ATP1B4: variants seen among roughly 807,000 people sequenced by gnomAD.
The protein encoded by ATP1B4 is protein ATP1B4.
In ATP1B4, 32 loss-of-function variants were observed where a neutral mutation model predicts 29.6. The observed-to-expected ratio is 1.08, with a 90% CI of 0.82 to 1.45. The LOEUF (loss-of-function observed/expected upper bound fraction) is 1.45. Ranked by LOEUF, ATP1B4 falls within the 40% of genes most tolerant of loss-of-function variation. The probability of loss-of-function intolerance (pLI) is 0.00; values close to 1 mark genes in which losing one functional copy is unlikely to be tolerated. For missense variants in ATP1B4, 323 were observed against 276.2 expected, an observed-to-expected ratio of 1.17 and a Z score of -1.20; for synonymous variants, 127 against 102.1, an observed-to-expected ratio of 1.24 and a Z score of -1.47.
rs1307920582 is a variant in ATP1B4 at position 120,381,567 on chromosome X, C to G, written c.*1933C>G. 1 of 111,822 alleles carries G rather than the reference C, an allele frequency of 8.9e-6. No homozygotes were observed. Among genetic ancestry groups the G allele is most frequent in the Non-Finnish European group, 1.9e-5 (1 of 53,193 alleles). The allele number at this position is 111,822 out of a possible 1,213,427, so 9.2% of individuals were successfully genotyped here. A position where few individuals can be genotyped will look rare whatever the true frequency, so the allele number is the denominator to read the frequency against. ...CCGGATTCAAGTGATTCTCCAGCCT[C>G]AGCCTCCTGAGTAGCTGGGATTACA... On this transcript the variant is annotated 3_prime_UTR_variant, in exon 8 of 8. Coordinates refer to ENST00000218008, the MANE Select transcript of ATP1B4 (RefSeq NM_001142447.3).
In ATP1B4 at chrX:120,376,411, C is replaced by A; in HGVS notation, c.791C>A (p.Pro264His). 8.3e-7 allele frequency: 1 copy of A among 1,210,320 alleles called. No individual in the cohort carries two copies. Among genetic ancestry groups the A allele is most frequent in the Non-Finnish European group, 1.1e-6 (1 of 894,376 alleles). Residue 264 changes from proline (P) to histidine (H), a missense_variant, in exon 6 of 8, where the codon CCT becomes CAT. By Grantham distance (77) the Pro-to-His change is moderately conservative. Coordinates refer to ENST00000218008, the MANE Select transcript of ATP1B4 (RefSeq NM_001142447.3). ...IVGFRPELGD[P>H]VKVSCKVQRG... ...GGCTTTCGTCCTGAGCTTGGAGATCCTGTGAAGGTTTCCTGCAAAGTTCAG... is the reference window on the plus strand; with the variant it reads ...GGCTTTCGTCCTGAGCTTGGAGATCATGTGAAGGTTTCCTGCAAAGTTCAG...
chrX:120,366,547 A>G lies in ATP1B4; in HGVS notation c.86A>G (p.Gln29Arg). 8.3e-7 allele frequency: 1 copy of G among 1,209,514 alleles called. No homozygotes were observed. The highest frequency in any genetic ancestry group is 1.1e-6 in the Non-Finnish European group (1 of 893,896). ...CAGGATGATCCGGATGAAGCGAACC[A>G]GAACTACTTAGCAGATGAAGAGGAG... ...YRLDDPDEANQNYLADEEEEA... is the reference protein window; with the variant it reads ...YRLDDPDEANRNYLADEEEEA... Residue 29 changes from glutamine to arginine, a missense_variant, in exon 2 of 8, where the codon CAG becomes CGG. Gln to Arg is a conservative substitution (Grantham distance 43). Transcript: ENST00000218008.
intron 4 of ATP1B4, among the ~76,000 whole-genome samples, chrX:120,374,237 T>C (rs955277894): frequency 2.7e-5 from 3 of 109,670 alleles, no homozygotes; most frequent in African/African-American, 1.0e-4. Context: ...GTGGAGACAG[T>C]ACCAGAGTCG....
chrX:120,375,878 G>C (rs1395890750), intron 5 of ATP1B4, among the ~76,000 whole-genome samples: 2 of 110,645 alleles, frequency 1.8e-5, no homozygotes, highest in Non-Finnish European at 3.8e-5. Context: ...TGAGGAAGGA[G>C]GGTTGCTTGA....
intron 4 of ATP1B4, among the ~76,000 whole-genome samples, chrX:120,374,695 A>AATAT (rs1165253275): frequency 2.4e-4 from 10 of 42,468 alleles, no homozygotes; most frequent in African/African-American, 6.4e-4. Context: ...CCTTATATAT[A>AATAT]ATATATATAT....
chrX:120,362,351 G>A lies in ATP1B4; in HGVS notation c.63+120G>A, dbSNP rs76551952. ...TCTCTTTGAGACGGGCAGAAACAGC[G>A]AAGTTTAGGGGAGCCCAGGGTTTCA... On this transcript the variant is annotated intron_variant, in intron 1 of 7. Transcript: ENST00000218008. 336 of 657,280 alleles carry A rather than the reference G, an allele frequency of 5.1e-4. 1 individual carries two copies. The East Asian group carries it at 8.8e-3, about 17-fold the overall frequency. The allele number at this position is 657,280 out of a possible 1,213,427, so 54.2% of individuals were successfully genotyped here.
intron 1 of ATP1B4, 59 bp downstream of exon 1, chrX:120,362,290 G>C (rs2058265142): frequency 8.4e-6 from 9 of 1,068,638 alleles, no homozygotes; most frequent in Admixed American, 4.4e-5. Context: ...TAATGGGGTG[G>C]GTTGGGGGCT....
chrX:120,362,855 A>T (rs914460403), intron 1 of ATP1B4, among the ~76,000 whole-genome samples: 1 of 112,009 alleles, frequency 8.9e-6, no homozygotes, highest in African/African-American at 3.2e-5. Flanking sequence ...CCTCACTGCT[A>T]ATCTTGTACT....
chrX:120,376,479 C>T (rs1395102143), intron 6 of ATP1B4, 43 bp downstream of exon 6: 1 of 1,122,387 alleles, frequency 8.9e-7, no homozygotes, highest in African/African-American at 1.8e-5. Flanking sequence ...ACATCTGTTT[C>T]ATGCAAAAAG....
chrX:120,371,026 G>A, intron 3 of ATP1B4, 80 bp from the exon 4 acceptor site: 2 of 1,047,164 alleles, frequency 1.9e-6, no homozygotes, highest in South Asian at 3.9e-5. Context: ...TGCCTGGGGG[G>A]AAATGGTTTC....
At position 120,371,178 on chromosome X, in the gene ATP1B4, A is replaced by C. The variant is rs183079208; in HGVS notation, c.530A>C (p.His177Pro). ...FNVSEPDTWQ[H>P]YVISLNGFLQ... ...GTTTCTGAACCCGACACTTGGCAGC[A>C]TTATGTGATTAGCCTAAATGGCTTT... The change falls in exon 4 of 8, where the codon CAT becomes CCT. Residue 177 changes from histidine (H) to proline (P), a missense_variant. Transcript: ENST00000218008. 4 of 1,208,306 alleles carry C rather than the reference A, an allele frequency of 3.3e-6. No homozygotes were observed. The African/African-American group carries it at 7.0e-5, about 21-fold the overall frequency.
intron 2 of ATP1B4, among the ~76,000 whole-genome samples, chrX:120,370,072 C>A (rs954657041): frequency 8.9e-6 from 1 of 111,888 alleles, no homozygotes; most frequent in Non-Finnish European, 1.9e-5. Context: ...CCAAAGTTCA[C>A]GGGCAAGTGT....
chrX:120,371,958 G>A (rs766847395), intron 4 of ATP1B4, among the ~76,000 whole-genome samples: 5 of 112,614 alleles, frequency 4.4e-5, no homozygotes, highest in African/African-American at 1.6e-4. Flanking sequence ...ATGAGCCACC[G>A]CGCCCAGCCA....
intron 4 of ATP1B4, among the ~76,000 whole-genome samples, chrX:120,374,501 G>T (rs1298850779): frequency 3.6e-5 from 3 of 84,031 alleles, no homozygotes; most frequent in Non-Finnish European, 4.5e-5. Flanking sequence ...GATATATAAG[G>T]ATATACCCTT....
intron 5 of ATP1B4, 42 bp from the exon 6 acceptor site, chrX:120,376,338 G>A: frequency 8.5e-7 from 1 of 1,179,895 alleles, no homozygotes. Context: ...TGTCAAATAT[G>A]TTTTGTTAAA....
chrX:120,382,517 A>T lies in ATP1B4; in HGVS notation c.*2883A>T, dbSNP rs1190312767. On this transcript the variant is annotated 3_prime_UTR_variant, in exon 8 of 8. Transcript: ENST00000218008. ...AAAGGATATTAGAGAGTGTTTAGAA[A>T]AAACAACTTGCATTGCATCTGACTC... The T allele has an allele frequency of 8.9e-6, 1 of 112,389 alleles. No homozygotes were observed. The highest frequency in any genetic ancestry group is 1.9e-5 in the Non-Finnish European group (1 of 53,280). The allele number at this position is 112,389 out of a possible 1,213,427, so 9.3% of individuals were successfully genotyped here. A position where few individuals can be genotyped will look rare whatever the true frequency, so the allele number is the denominator to read the frequency against.
chrX:120,375,753 C>T (rs1277676572), intron 5 of ATP1B4, among the ~76,000 whole-genome samples, 185 bp downstream of exon 5: 1 of 109,241 alleles, frequency 9.2e-6, no homozygotes, highest in African/African-American at 3.3e-5. Flanking sequence ...CCGAGCACTT[C>T]CTATGGCCAT....
rs1378875122 is a variant in ATP1B4 at position 120,382,768 on chromosome X, T to G, written c.*3134T>G. On this transcript the variant is annotated 3_prime_UTR_variant, in exon 8 of 8. Coordinates refer to ENST00000218008, the MANE Select transcript of ATP1B4 (RefSeq NM_001142447.3). ...AAGGAATTATGAATCATTTGTCAAA[T>G]AATATTTATCTTTCAATGGAATCCA... is the stretch of plus-strand genomic sequence containing the variant. 1.8e-5 allele frequency: 2 copies of G among 112,383 alleles called. No homozygotes were observed. The highest frequency in any genetic ancestry group is 6.5e-5 in the African/African-American group (2 of 30,954). The allele number at this position is 112,383 out of a possible 1,213,427, so 9.3% of individuals were successfully genotyped here.
intron 2 of ATP1B4, among the ~76,000 whole-genome samples, chrX:120,370,465 G>T (rs754769877): frequency 5.4e-5 from 6 of 111,756 alleles, no homozygotes; most frequent in Non-Finnish European, 1.1e-4. Context: ...CTGTATTCTT[G>T]TTCATGGCCA....
Sources: gnomAD v4.1 joint callset for allele counts (sites outside exome capture counted in the v4.1 genomes callset) on GRCh38, gnomAD v4.1.1 for gene constraint, MANE v1.5 for transcripts, NCBI Gene and HGNC (gene_info 2026-07-23, HGNC 2026-07-21) for gene names.